Variants in HERC1 observed in about 807,000 individuals in gnomAD.
HERC1 encodes probable E3 ubiquitin-protein ligase HERC1.
HERC1 carries 160 observed loss-of-function variants against 554.3 expected under a neutral mutation model. That is an observed-to-expected ratio of 0.29 (90% confidence interval 0.25 to 0.33). The LOEUF is 0.33. Among genes scored for constraint, HERC1 ranks in the 10% least tolerant of loss-of-function variants. The pLI, the probability that HERC1 is intolerant of heterozygous loss-of-function variation, is 1.00. For synonymous variants in HERC1, 2,175 were observed against 2,131.7 expected (o/e 1.02, Z -0.56); for missense variants, 4,919 against 5,918.5 (o/e 0.83, Z 5.54).
intron 3 of HERC1, among the ~76,000 whole-genome samples, chr15:63,762,131 TCA>T (rs985865216): frequency 6.6e-6 from 1 of 152,092 alleles, no homozygotes; most frequent in African/African-American, 2.4e-5. Flanking sequence ...ATGTGTAAGA[TCA>T]GCCAGAAACA....
intron 34 of HERC1, among the ~76,000 whole-genome samples, chr15:63,682,069 C>T (rs1170867201): frequency 6.6e-6 from 1 of 152,048 alleles, no homozygotes; most frequent in African/African-American, 2.4e-5. Flanking sequence ...ACTAGAACAA[C>T]CCTGATGCAT....
chr15:63,790,704 T>C (rs1435149729), intron 1 of HERC1, among the ~76,000 whole-genome samples: 1 of 152,052 alleles, frequency 6.6e-6, no homozygotes, highest in Non-Finnish European at 1.5e-5. Flanking sequence ...GTGTTATGTT[T>C]CCCTTTCTTT....
chr15:63,733,259 A>C (rs936874116), intron 13 of HERC1, 114 bp from the exon 14 acceptor site: 5 of 677,028 alleles, frequency 7.4e-6, no homozygotes, highest in African/African-American at 5.4e-5. Context: ...ATAAATAATC[A>C]TCTTCAGGAA....
At position 63,749,183 on chromosome 15, in the gene HERC1, C is replaced by G. The variant is rs1270958521; in HGVS notation, c.2219+184G>C. Among the ~76,000 whole-genome samples the G allele has an allele frequency of 6.6e-6, 1 of 152,028 alleles. No individual in the cohort carries two copies. The highest frequency in any genetic ancestry group is 1.9e-4 in the East Asian group (1 of 5,192). On this transcript the variant is annotated intron_variant, in intron 10 of 77. Transcript: ENST00000443617. This position sits in a 1 kb window ranked among gnomAD's most constrained non-coding sequence, Gnocchi z 4.1. The stretch of plus-strand genomic sequence containing the variant: ...CTTCTTGCTTCGGAAACATGTCTAA[C>G]CTCAACATTCAAATAAAAAGAAATC...
At chr15:63,781,387 G>A (rs2076284952) in intron 1 of HERC1, among the ~76,000 whole-genome samples, 1 of 152,126 alleles carries the variant, frequency 6.6e-6, no homozygotes, top group Admixed American at 6.6e-5. Flanking sequence ...ATGTATCTGT[G>A]TCACATTTTG....
intron 50 of HERC1, 83 bp from the exon 51 acceptor site, chr15:63,654,407 G>A (rs2069889888): frequency 2.9e-6 from 3 of 1,044,418 alleles, no homozygotes; most frequent in African/African-American, 1.6e-5. Context: ...TGATGCTCAG[G>A]TGAGATTTGG....
intron 2 of HERC1, among the ~76,000 whole-genome samples, chr15:63,765,979 C>G (rs1043911049): frequency 6.6e-6 from 1 of 152,128 alleles, no homozygotes; most frequent in African/African-American, 2.4e-5. Context: ...TTACACTCAT[C>G]TCCCAGGCAT....
intron 12 of HERC1, among the ~76,000 whole-genome samples, chr15:63,735,577 C>G (rs1176682897): frequency 6.6e-6 from 1 of 151,740 alleles, no homozygotes; most frequent in Non-Finnish European, 1.5e-5. Flanking sequence ...TTAGTAGGAC[C>G]TGGCTAGACA....
chr15:63,699,714 AAATAT>A (rs765108567), intron 25 of HERC1, among the ~76,000 whole-genome samples: 20 of 152,252 alleles, frequency 1.3e-4, no homozygotes, highest in Non-Finnish European at 2.6e-4. Context: ...AATAGTTGCT[AAATAT>A]AATACCATTA....
At chr15:63,738,272 G>A (rs1187723860) in intron 12 of HERC1, among the ~76,000 whole-genome samples, 1 of 152,174 alleles carries the variant, frequency 6.6e-6, no homozygotes, top group East Asian at 1.9e-4. Flanking sequence ...GAAAGACTAA[G>A]GAATTGTTGC....
chr15:63,774,955 C>T lies in HERC1; in HGVS notation c.669G>A (p.Ser223=), dbSNP rs1237843217. 1.4e-5 allele frequency: 22 copies of T among 1,613,826 alleles called. No individual in the cohort carries two copies. The highest frequency in any genetic ancestry group is 1.7e-5 in the Non-Finnish European group (20 of 1,179,874). Residue 223 remains serine, a synonymous_variant, in exon 2 of 78, where the codon TCG becomes TCA. Transcript: ENST00000443617. ...KIPPMGLDCL[S]QVTTFLKGVT... ...CTCCTTTAAGAAATGTTGTTACTTG[C>T]GATAAGCAGTCCAAGCCCATAGGAG...
intron 42 of HERC1, among the ~76,000 whole-genome samples, chr15:63,665,329 C>T (rs1034701151): frequency 6.6e-6 from 1 of 152,102 alleles, no homozygotes; most frequent in Non-Finnish European, 1.5e-5. Context: ...GTCTGGAGTT[C>T]GAGACCGTCC....
chr15:63,658,609 AG>A lies in HERC1; in HGVS notation c.9533del (p.Thr3178MetfsTer14). The A allele has an allele frequency of 6.2e-7, 1 of 1,613,984 alleles. No individual in the cohort carries two copies. The highest frequency in any genetic ancestry group is 8.5e-7 in the Non-Finnish European group (1 of 1,179,836). On this transcript the variant is annotated frameshift_variant, in exon 48 of 78. Transcript: ENST00000443617. LOFTEE classifies it high-confidence loss of function. ...TGGCCAGAAGAACCTGAGCAGCAGC[AG>A]TCACTCTCCTTAAAGCCACCACACG... is the stretch of plus-strand genomic sequence containing the variant. Reference protein sequence around the residue: ...HDRVVALRRVTAAAQVLLART... With the variant: ...HDRVVALRRVXAAAQVLLART...
intron 10 of HERC1, among the ~76,000 whole-genome samples, chr15:63,748,123 G>A (rs1442640777): frequency 2.6e-5 from 4 of 152,054 alleles, no homozygotes; most frequent in Non-Finnish European, 4.4e-5. Context: ...TTACCCAGGA[G>A]GCTAAGGCAG....
chr15:63,808,124 C>CA (rs148179105), intron 1 of HERC1, among the ~76,000 whole-genome samples: 73,228 of 144,666 alleles, frequency 0.51, 18,902 homozygotes, highest in Non-Finnish European at 0.56. Flanking sequence ...TTCTAGTTGA[C>CA]AAAAAAAAAA....
intron 1 of HERC1, among the ~76,000 whole-genome samples, chr15:63,796,564 A>G (rs971548650): frequency 2.0e-5 from 3 of 152,228 alleles, no homozygotes; most frequent in African/African-American, 7.2e-5. Context: ...TGCCAAGGTT[A>G]AGGACATGCC....
At chr15:63,703,109 CAA>C (rs372589572) in intron 25 of HERC1, among the ~76,000 whole-genome samples, 15 of 91,714 alleles carry the variant, frequency 1.6e-4, no homozygotes, top group African/African-American at 1.7e-4. Context: ...GACTCTGTCT[CAA>C]AAAAAAAAAA....
At chr15:63,738,572 G>A (rs565338360) in intron 12 of HERC1, among the ~76,000 whole-genome samples, 208 of 152,144 alleles carry the variant, frequency 1.4e-3, no homozygotes, top group African/African-American at 4.8e-3. Context: ...TTTTAAAGAA[G>A]AAAATTCAGA....
intron 76 of HERC1, among the ~76,000 whole-genome samples, chr15:63,615,433 A>C (rs1352862074): frequency 6.6e-6 from 1 of 151,994 alleles, no homozygotes; most frequent in Non-Finnish European, 1.5e-5. Context: ...ACATGGCAAA[A>C]CCCCATCTCT....
Sources: allele counts gnomAD v4.1 joint callset (sites outside exome capture counted in the v4.1 genomes callset), GRCh38; gene constraint gnomAD v4.1.1; non-coding constraint Gnocchi (gnomAD v3.1); transcripts MANE v1.5; gene names NCBI Gene and HGNC (gene_info 2026-07-23, HGNC 2026-07-21).